The following NFAT5 variants were observed in gnomAD, a reference collection of about 807,000 sequenced individuals.
NFAT5 encodes nuclear factor of activated T-cells 5.
Under a neutral mutation model 166.5 loss-of-function variants are expected in NFAT5, and 31 were observed. That is an observed-to-expected ratio of 0.19 (90% CI 0.14 to 0.25). The LOEUF is 0.25. Ranked by LOEUF, NFAT5 falls within the 10% of genes least tolerant of loss-of-function variation. The pLI, the probability that NFAT5 is intolerant of heterozygous loss-of-function variation, is 1.00. For missense variants in NFAT5, 1,449 were observed against 1,821.8 expected, an observed-to-expected ratio of 0.80 and a Z score of 3.72; for synonymous variants, 612 against 639.7, an observed-to-expected ratio of 0.96 and a Z score of 0.65.
intron 7 of NFAT5, among the ~76,000 whole-genome samples, chr16:69,660,722 A>G (rs187606705): frequency 6.6e-6 from 1 of 152,250 alleles, no homozygotes; most frequent in East Asian, 1.9e-4. Context: ...GTTGTTATAT[A>G]TGTCTCACCA....
At chr16:69,600,184 A>T (rs979212975) in intron 2 of NFAT5, among the ~76,000 whole-genome samples, 1 of 152,072 alleles carries the variant, frequency 6.6e-6, no homozygotes, top group African/African-American at 2.4e-5. Context: ...CAGGGACATG[A>T]AGAGAGGAGT....
At chr16:69,619,158 C>G (rs1208948003) in intron 2 of NFAT5, among the ~76,000 whole-genome samples, 1 of 152,066 alleles carries the variant, frequency 6.6e-6, no homozygotes, top group Non-Finnish European at 1.5e-5. Context: ...TACTCTCTGA[C>G]CCGAAAGCAG....
At chr16:69,658,471 G>A (rs1257552954) in intron 6 of NFAT5, among the ~76,000 whole-genome samples, 3 of 145,968 alleles carry the variant, frequency 2.1e-5, no homozygotes, top group East Asian at 2.0e-4. Context: ...CAACAAGAGC[G>A]AAACTCTGTC....
intron 2 of NFAT5, among the ~76,000 whole-genome samples, chr16:69,573,174 G>T (rs1231244527): frequency 6.6e-6 from 1 of 152,168 alleles, no homozygotes; most frequent in South Asian, 2.1e-4. Flanking sequence ...ATTTAAGACC[G>T]GAAGATTTTT....
chr16:69,636,951 G>A (rs202219534), intron 3 of NFAT5, among the ~76,000 whole-genome samples: 16 of 152,076 alleles, frequency 1.1e-4, no homozygotes, highest in South Asian at 2.1e-4. Context: ...CTTTTCTGTC[G>A]CATAGTCAGG....
chr16:69,577,435 T>C (rs2016821605), intron 2 of NFAT5, among the ~76,000 whole-genome samples: 1 of 152,228 alleles, frequency 6.6e-6, no homozygotes, highest in Admixed American at 6.5e-5. Context: ...TATGGAATAA[T>C]ATAGGAATCT....
intron 3 of NFAT5, among the ~76,000 whole-genome samples, chr16:69,628,487 T>C (rs1351110591): frequency 6.6e-6 from 1 of 152,142 alleles, no homozygotes; most frequent in African/African-American, 2.4e-5. Context: ...AAAATATAAA[T>C]TTAGCAACCA....
chr16:69,582,957 G>A (rs1372036570), intron 2 of NFAT5, among the ~76,000 whole-genome samples: 2 of 151,546 alleles, frequency 1.3e-5, no homozygotes, highest in African/African-American at 4.8e-5. Context: ...AATCTGAGGA[G>A]TATTACCATC....
At chr16:69,642,185 C>T (rs988204071) in intron 3 of NFAT5, among the ~76,000 whole-genome samples, 1 of 152,126 alleles carries the variant, frequency 6.6e-6, no homozygotes, top group African/African-American at 2.4e-5. Context: ...TATTCATATT[C>T]CATGTAGACA....
intron 3 of NFAT5, among the ~76,000 whole-genome samples, chr16:69,639,212 C>G (rs1278064740): frequency 6.6e-6 from 1 of 151,964 alleles, no homozygotes; most frequent in Admixed American, 6.6e-5. Context: ...ATGTGTATAT[C>G]TAGTACATGT....
At chr16:69,612,644 G>T (rs1267613812) in intron 2 of NFAT5, among the ~76,000 whole-genome samples, 5 of 152,044 alleles carry the variant, frequency 3.3e-5, no homozygotes. Flanking sequence ...CCAAGAATTG[G>T]AGACCAGACT....
chr16:69,644,007 T>C (rs182070273), intron 3 of NFAT5, among the ~76,000 whole-genome samples: 1 of 152,256 alleles, frequency 6.6e-6, no homozygotes, highest in East Asian at 1.9e-4. Flanking sequence ...AATTTTAGGC[T>C]GGGTGTGGTG....
intron 2 of NFAT5, among the ~76,000 whole-genome samples, chr16:69,604,035 C>A (rs2033273805): frequency 6.6e-6 from 1 of 152,010 alleles, no homozygotes. Context: ...TCAGTGGATT[C>A]TTGGATTATT....
At position 69,686,638 on chromosome 16, in the gene NFAT5, T is replaced by G. The variant is rs143214103; in HGVS notation, c.1774+1668T>G. ...CAGCACTTTGTGGGGCTGAGGTGAT[T>G]GGATCACCTGAGGTCAGGAGTTTGA... is the stretch of plus-strand genomic sequence containing the variant. On this transcript the variant is annotated intron_variant, in intron 11 of 14. Transcript: ENST00000349945. Among the ~76,000 whole-genome samples the G allele has an allele frequency of 5.6e-3, 853 of 152,098 alleles. 7 individuals carry two copies. Among genetic ancestry groups the G allele is most frequent in the African/African-American group, 0.019 (800 of 41,508 alleles).
chr16:69,573,837 G>A (rs1212924745), intron 2 of NFAT5, among the ~76,000 whole-genome samples: 1 of 147,802 alleles, frequency 6.8e-6, no homozygotes, highest in East Asian at 2.0e-4. Context: ...ACATTTCCCA[G>A]TGTGATTAGT....
chr16:69,588,404 A>G lies in NFAT5; in HGVS notation c.127+19856A>G, dbSNP rs180861801. 7.8e-4 allele frequency among the ~76,000 whole-genome samples: 119 copies of G among 152,324 alleles called. 2 individuals are homozygous for G. The East Asian group carries it at 0.013, about 16-fold the overall frequency. The stretch of plus-strand genomic sequence containing the variant: ...GGGTTGCCTGTATTTGGTGAAATTA[A>G]TGGGCTGTTTGGGGTGCCAAGCTTC... On this transcript the variant is annotated intron_variant, in intron 2 of 14. Transcript: ENST00000349945.
chr16:69,653,453 A>T, intron 5 of NFAT5, 25 bp downstream of exon 5: 4 of 1,390,698 alleles, frequency 2.9e-6, no homozygotes, highest in Non-Finnish European at 3.8e-6. Context: ...TATCATTTGA[A>T]TTTTAGTTAA....
intron 2 of NFAT5, among the ~76,000 whole-genome samples, chr16:69,569,242 T>C (rs966844840): frequency 6.6e-6 from 1 of 150,916 alleles, no homozygotes; most frequent in Non-Finnish European, 1.5e-5. Context: ...CATCTTTAAA[T>C]CTTTATAATT....
At chr16:69,610,548 C>T (rs1432137117) in intron 2 of NFAT5, among the ~76,000 whole-genome samples, 1 of 152,122 alleles carries the variant, frequency 6.6e-6, no homozygotes, top group Non-Finnish European at 1.5e-5. Context: ...CATTCCTAAC[C>T]TCAGTGTTAC....
Sources: gnomAD v4.1 joint callset for allele counts (sites outside exome capture counted in the v4.1 genomes callset) on GRCh38, gnomAD v4.1.1 for gene constraint, MANE v1.5 for transcripts, NCBI Gene and HGNC (gene_info 2026-07-23, HGNC 2026-07-21) for gene names.